Variants in METTL25 observed in about 807,000 individuals in gnomAD.
The protein encoded by METTL25 is methyltransferase like 25, also known as probable methyltransferase-like protein 25.
A neutral mutation model predicts 71.6 loss-of-function variants in METTL25; 64 were observed. The ratio of observed to expected loss-of-function variants is 0.89; its 90% CI spans 0.73 to 1.10. The LOEUF (loss-of-function observed/expected upper bound fraction) is 1.10, where lower values mean the gene tolerates loss of function less well. Ranked by LOEUF, METTL25 falls within the 50% of genes least tolerant of loss-of-function variation. The pLI, the probability that METTL25 is intolerant of heterozygous loss-of-function variation, is 0.00. For missense variants in METTL25, 807 were observed against 707.0 expected (o/e 1.14, Z -1.60); for synonymous variants, 287 against 250.3 (o/e 1.15, Z -1.38).
intron 9 of METTL25, among the ~76,000 whole-genome samples, chr12:82,474,162 GGTAA>G (rs2137312455): frequency 6.6e-6 from 1 of 152,266 alleles, no homozygotes; most frequent in East Asian, 1.9e-4. Context: ...TAGAAAGGAT[GGTAA>G]GTGTTTGTGG....
At chr12:82,390,141 C>A (rs1885436950) in intron 3 of METTL25, among the ~76,000 whole-genome samples, 1 of 152,022 alleles carries the variant, frequency 6.6e-6, no homozygotes, top group African/African-American at 2.4e-5. Flanking sequence ...CAAGACATGA[C>A]TGTTAATGTT....
intron 5 of METTL25, among the ~76,000 whole-genome samples, chr12:82,427,918 A>C (rs963753746): frequency 6.6e-6 from 1 of 151,984 alleles, no homozygotes; most frequent in Non-Finnish European, 1.5e-5. Context: ...AACAAGACAC[A>C]GGGACATTTA....
At chr12:82,421,656 A>G (rs556441524) in intron 5 of METTL25, among the ~76,000 whole-genome samples, 4 of 152,276 alleles carry the variant, frequency 2.6e-5, no homozygotes, top group Non-Finnish European at 4.4e-5. Context: ...TAGCAAGACT[A>G]ATAAAGAAGA....
chr12:82,359,815 G>C (rs8181779), intron 1 of METTL25, among the ~76,000 whole-genome samples: 151,871 of 152,376 alleles, frequency 1, 75,686 homozygotes, highest in Middle Eastern at 1. Flanking sequence ...ACTTCCCAAA[G>C]TTACCCTTAC....
At chr12:82,407,836 G>T in intron 5 of METTL25, 3 of 985,280 alleles carry the variant, frequency 3.0e-6, no homozygotes, top group Non-Finnish European at 3.6e-6. Flanking sequence ...GCCCTGGACT[G>T]CCACATTTTC....
chr12:82,359,641 A>G (rs77665755), intron 1 of METTL25, among the ~76,000 whole-genome samples: 82 of 152,328 alleles, frequency 5.4e-4, no homozygotes, highest in African/African-American at 2.0e-3. Flanking sequence ...GATAGTCACT[A>G]TTTCATTTAA....
intron 3 of METTL25, among the ~76,000 whole-genome samples, chr12:82,395,662 C>A (rs1163059787): frequency 1.3e-5 from 2 of 151,996 alleles, no homozygotes; most frequent in Non-Finnish European, 2.9e-5. Context: ...TTAACCACTG[C>A]TTGTAACAAT....
intron 7 of METTL25, 23 bp from the exon 8 acceptor site, chr12:82,438,695 A>G (rs1420025509): frequency 1.4e-6 from 2 of 1,431,764 alleles, no homozygotes; most frequent in African/African-American, 1.5e-5. Flanking sequence ...TCTTGTGCTT[A>G]TATATGTCTA....
At chr12:82,360,329 T>C (rs1190446426) in intron 1 of METTL25, among the ~76,000 whole-genome samples, 1 of 152,058 alleles carries the variant, frequency 6.6e-6, no homozygotes, top group African/African-American at 2.4e-5. Context: ...CTTTTAATCT[T>C]TACATCAGCC....
In METTL25 at chr12:82,465,600, C is replaced by T. The variant is rs148547325; in HGVS notation, c.1572+8780C>T. 5.3e-5 allele frequency among the ~76,000 whole-genome samples: 8 copies of T among 151,796 alleles called. No homozygotes were observed. The East Asian group carries it at 1.4e-3, about 26-fold the overall frequency. On this transcript the variant is annotated intron_variant, in intron 9 of 11. Coordinates refer to ENST00000248306, the MANE Select transcript of METTL25 (RefSeq NM_032230.3). ...TGTCCTTATCTGCTTTTGGTTTCAG[C>T]GTTATGCTGACCTCGTATAATGAGT... is the stretch of plus-strand genomic sequence containing the variant.
chr12:82,460,195 T>C (rs1891768246), intron 9 of METTL25, among the ~76,000 whole-genome samples: 1 of 152,216 alleles, frequency 6.6e-6, no homozygotes, highest in Admixed American at 6.5e-5. Flanking sequence ...TTACAGTATA[T>C]GGTCTACCTT....
At chr12:82,394,551 G>T (rs1885908412) in intron 3 of METTL25, among the ~76,000 whole-genome samples, 1 of 151,686 alleles carries the variant, frequency 6.6e-6, no homozygotes, top group Admixed American at 6.6e-5. Context: ...CATTCATTTA[G>T]CAAATATTTC....
At chr12:82,395,983 G>A (rs1308990959) in intron 3 of METTL25, among the ~76,000 whole-genome samples, 1 of 152,022 alleles carries the variant, frequency 6.6e-6, no homozygotes, top group Non-Finnish European at 1.5e-5. Context: ...GCTGCATAAG[G>A]ACATTTCAGT....
chr12:82,438,338 A>T (rs1235508139), intron 7 of METTL25, among the ~76,000 whole-genome samples: 2 of 151,666 alleles, frequency 1.3e-5, no homozygotes, highest in Admixed American at 1.3e-4. Context: ...ACAAATCTAC[A>T]TTCTCTTCTT....
At chr12:82,413,805 A>G (rs1887741006) in intron 5 of METTL25, among the ~76,000 whole-genome samples, 1 of 151,934 alleles carries the variant, frequency 6.6e-6, no homozygotes, top group Non-Finnish European at 1.5e-5. Context: ...TAAATAAATA[A>G]TAAATAATAA....
chr12:82,361,276 T>G (rs967462897), intron 1 of METTL25, among the ~76,000 whole-genome samples: 2 of 152,116 alleles, frequency 1.3e-5, no homozygotes, highest in African/African-American at 4.8e-5. Context: ...GGGTGCTGAT[T>G]GGTGTATTTA....
chr12:82,431,157 C>G (rs190261046), intron 6 of METTL25, among the ~76,000 whole-genome samples, 170 bp downstream of exon 6: 1 of 151,318 alleles, frequency 6.6e-6, no homozygotes, highest in East Asian at 1.9e-4. Flanking sequence ...ACAATATCCA[C>G]TCTACATGCA....
In METTL25 at chr12:82,477,609, A is replaced by G. The variant is rs1023881812; in HGVS notation, c.1719+257A>G. Among the ~76,000 whole-genome samples, 20 of 151,814 alleles carry G rather than the reference A, an allele frequency of 1.3e-4. 1 individual carries two copies. Among genetic ancestry groups the G allele is most frequent in the Admixed American group, 6.6e-5 (1 of 15,244 alleles). On this transcript the variant is annotated intron_variant, in intron 11 of 11. Transcript: ENST00000248306. ...GGTAATTACTATACATAGGCAGTGA[A>G]CATAAACTGCTATATATGAAATATT...
intron 7 of METTL25, among the ~76,000 whole-genome samples, chr12:82,436,702 A>G (rs1028439466): frequency 3.3e-5 from 5 of 151,586 alleles, no homozygotes; most frequent in Non-Finnish European, 7.4e-5. Flanking sequence ...TGTATTTTAC[A>G]ATCATTTTAA....
Sources: allele counts gnomAD v4.1 joint callset (sites outside exome capture counted in the v4.1 genomes callset), GRCh38; gene constraint gnomAD v4.1.1; transcripts MANE v1.5; gene names NCBI Gene and HGNC (gene_info 2026-07-23, HGNC 2026-07-21).